Variants in MARCHF8 observed in about 807,000 individuals in gnomAD.
MARCHF8 encodes membrane associated ring-CH-type finger 8.
MARCHF8 carries 40 observed loss-of-function variants against 51.6 expected under a neutral mutation model. The observed-to-expected ratio is 0.77, with a 90% CI of 0.60 to 1.01. The LOEUF is 1.01. Ranked by LOEUF, MARCHF8 falls within the 50% of genes least tolerant of loss-of-function variation. MARCHF8 has a pLI of 0.00. For synonymous variants in MARCHF8, 263 were observed against 280.3 expected, an observed-to-expected ratio of 0.94 and a Z score of 0.62; for missense variants, 685 against 708.6, an observed-to-expected ratio of 0.97 and a Z score of 0.38.
At chr10:45,512,060 C>T (rs1406644389) in intron 2 of MARCHF8, among the ~76,000 whole-genome samples, 9 of 150,782 alleles carry the variant, frequency 6.0e-5, no homozygotes, top group African/African-American at 1.5e-4. Context: ...TCTGCCCGGC[C>T]GCCCATCGCC....
At chr10:45,525,634 C>G (rs1388529761) in intron 2 of MARCHF8, among the ~76,000 whole-genome samples, 1 of 152,148 alleles carries the variant, frequency 6.6e-6, no homozygotes, top group Non-Finnish European at 1.5e-5. Flanking sequence ...AAAAGAGTAA[C>G]TTTATAGTGG....
chr10:45,566,539 C>T (rs1019098257), intron 1 of MARCHF8, among the ~76,000 whole-genome samples: 10 of 152,136 alleles, frequency 6.6e-5, no homozygotes, highest in Non-Finnish European at 1.2e-4. Flanking sequence ...CTTTCTGTGC[C>T]TGGCTTATTT....
intron 3 of MARCHF8, among the ~76,000 whole-genome samples, chr10:45,485,116 T>C (rs527562000): frequency 1.3e-5 from 2 of 152,270 alleles, no homozygotes; most frequent in South Asian, 4.1e-4. Context: ...CAGAACAGCA[T>C]GCAAACATTG....
Position 45,463,740 on chromosome 10 carries a change from C to T in MARCHF8, c.499G>A (p.Asp167Asn). The T allele has an allele frequency of 6.4e-7, 1 of 1,551,200 alleles. No homozygotes were observed. Among genetic ancestry groups the T allele is most frequent in the Non-Finnish European group, 8.7e-7 (1 of 1,147,132 alleles). The change falls in exon 5 of 8, where the codon GAT (aspartate) becomes AAT (asparagine). Residue 167 changes from aspartate (D) to asparagine (N), a missense_variant. Physicochemically the swap from Asp to Asn is conservative, Grantham distance 23 (BLOSUM62 1). Transcript: ENST00000453424. ...SLNDVGEKAQ[D>N]TSESFAYVER... Reference sequence around the variant, plus strand: ...ACATAGGCAAAACTTTCTGAAGTATCCTGCGCCTTCTCACCCACATCATTG... The same window carrying T: ...ACATAGGCAAAACTTTCTGAAGTATTCTGCGCCTTCTCACCCACATCATTG...
intron 2 of MARCHF8, among the ~76,000 whole-genome samples, chr10:45,494,490 C>T (rs1257171150): frequency 6.6e-6 from 1 of 152,146 alleles, no homozygotes; most frequent in Non-Finnish European, 1.5e-5. Context: ...ATACTCAATA[C>T]CTATCTCCCT....
intron 1 of MARCHF8, among the ~76,000 whole-genome samples, chr10:45,586,676 CA>C (rs2044621670): frequency 6.6e-6 from 1 of 152,054 alleles, no homozygotes; most frequent in African/African-American, 2.4e-5. Context: ...TTCTTGTAGG[CA>C]AAAAGTTGCT....
chr10:45,574,572 G>T (rs2044468083), intron 1 of MARCHF8, among the ~76,000 whole-genome samples: 1 of 152,112 alleles, frequency 6.6e-6, no homozygotes, highest in Admixed American at 6.6e-5. Context: ...CTGCCACAAG[G>T]CTTCACAGAC....
chr10:45,572,595 G>A (rs1257622390), intron 1 of MARCHF8, among the ~76,000 whole-genome samples: 1 of 152,122 alleles, frequency 6.6e-6, no homozygotes, highest in African/African-American at 2.4e-5. Context: ...CAAACGGTCT[G>A]AGGTGCCTGA....
chr10:45,562,606 T>C (rs1304760171), intron 1 of MARCHF8, among the ~76,000 whole-genome samples: 1 of 152,142 alleles, frequency 6.6e-6, no homozygotes, highest in Non-Finnish European at 1.5e-5. Context: ...GACCAGCAGA[T>C]GATCACTAAA....
At chr10:45,465,966 C>T (rs1472238625) in intron 3 of MARCHF8, among the ~76,000 whole-genome samples, 1 of 152,184 alleles carries the variant, frequency 6.6e-6, no homozygotes, top group Non-Finnish European at 1.5e-5. Flanking sequence ...CTTCCTGAAA[C>T]AAAATGAAAG....
chr10:45,592,630 G>A (rs1737470914), intron 1 of MARCHF8, among the ~76,000 whole-genome samples: 2 of 152,104 alleles, frequency 1.3e-5, no homozygotes, highest in African/African-American at 4.8e-5. Flanking sequence ...ACTACATAAG[G>A]GAAAAAGAAA....
chr10:45,530,424 A>G (rs533335272), intron 2 of MARCHF8, among the ~76,000 whole-genome samples: 40 of 152,270 alleles, frequency 2.6e-4, no homozygotes, highest in Admixed American at 2.2e-3. Flanking sequence ...ATATGAAAAT[A>G]CTCCATCCTA....
intron 3 of MARCHF8, among the ~76,000 whole-genome samples, chr10:45,466,475 C>T (rs1268564895): frequency 6.6e-6 from 1 of 152,184 alleles, no homozygotes; most frequent in Non-Finnish European, 1.5e-5. Context: ...TATCCACATG[C>T]TTGCCCCTCA....
At chr10:45,503,354 G>A (rs907641294) in intron 2 of MARCHF8, among the ~76,000 whole-genome samples, 2 of 151,902 alleles carry the variant, frequency 1.3e-5, no homozygotes, top group East Asian at 1.9e-4. Flanking sequence ...TGGCCAACAC[G>A]GTAAAACCCC....
At chr10:45,486,110 G>A (rs539014471) in intron 3 of MARCHF8, among the ~76,000 whole-genome samples, 2 of 152,270 alleles carry the variant, frequency 1.3e-5, no homozygotes, top group African/African-American at 4.8e-5. Flanking sequence ...GGTACACTTT[G>A]CAACAGAATT....
At chr10:45,559,198 T>C (rs1222058994) in intron 1 of MARCHF8, among the ~76,000 whole-genome samples, 1 of 152,246 alleles carries the variant, frequency 6.6e-6, no homozygotes, top group African/African-American at 2.4e-5. Context: ...TGGGTAAGAA[T>C]GAATGCCATA....
At chr10:45,473,903 A>G (rs1282272054) in intron 3 of MARCHF8, among the ~76,000 whole-genome samples, 2 of 152,108 alleles carry the variant, frequency 1.3e-5, no homozygotes, top group Admixed American at 6.5e-5. Context: ...TCTTTCTACT[A>G]CAGTTTAACC....
chr10:45,541,083 G>T (rs899704748), intron 1 of MARCHF8, among the ~76,000 whole-genome samples: 3 of 152,170 alleles, frequency 2.0e-5, no homozygotes, highest in African/African-American at 4.8e-5. Flanking sequence ...ATACTCAAAG[G>T]ATTATAAATC....
At chr10:45,497,932 G>T (rs1383679285) in intron 2 of MARCHF8, among the ~76,000 whole-genome samples, 1 of 152,192 alleles carries the variant, frequency 6.6e-6, no homozygotes, top group African/African-American at 2.4e-5. Flanking sequence ...CTCCAAAAAT[G>T]TGAGAAATTA....
Sources: gnomAD v4.1 joint callset for allele counts (sites outside exome capture counted in the v4.1 genomes callset) on GRCh38, gnomAD v4.1.1 for gene constraint, MANE v1.5 for transcripts, NCBI Gene and HGNC (gene_info 2026-07-23, HGNC 2026-07-21) for gene names.